Variants in VIT observed in about 807,000 individuals in gnomAD.
The protein encoded by VIT is vitrin.
In VIT, 99 loss-of-function variants were observed where a neutral mutation model predicts 78.0. The ratio of observed to expected loss-of-function variants is 1.27; its 90% CI spans 1.08 to 1.50. The LOEUF is 1.50. VIT is among the 40% of genes most tolerant of loss of function. VIT has a pLI of 0.00. For synonymous variants in VIT, 374 were observed against 334.3 expected, an observed-to-expected ratio of 1.12 and a Z score of -1.29; for missense variants, 1,126 against 875.3, an observed-to-expected ratio of 1.29 and a Z score of -3.61.
At position 36,808,793 on chromosome 2, in the gene VIT, C is replaced by A. The variant is rs761574635; in HGVS notation, c.1711C>A (p.Pro571Thr). 1 of 1,614,106 alleles carries A rather than the reference C, an allele frequency of 6.2e-7. No homozygotes were observed. Among genetic ancestry groups the A allele is most frequent in the Non-Finnish European group, 8.5e-7 (1 of 1,179,942 alleles). ...TGGGTTCGACAAGTACAGCAGCAAG[C>A]CTGACATCCTCAACGCCATCAAGAG... is the stretch of plus-strand genomic sequence containing the variant. ...EFGFDKYSSK[P>T]DILNAIKRVG... Residue 571 changes from proline to threonine, a missense_variant, in exon 15 of 16, where the codon CCT becomes ACT. Transcript: ENST00000379242.
chr2:36,795,136 T>G (rs1479518147), intron 12 of VIT, among the ~76,000 whole-genome samples: 1 of 152,188 alleles, frequency 6.6e-6, no homozygotes, highest in African/African-American at 2.4e-5. Context: ...TGTTCTCAAG[T>G]AGGTTACAGT....
At chr2:36,720,677 TG>T (rs1487793452) in intron 2 of VIT, among the ~76,000 whole-genome samples, 1 of 152,174 alleles carries the variant, frequency 6.6e-6, no homozygotes, top group East Asian at 1.9e-4. Context: ...TTCCAGGGGC[TG>T]GGGAGCCAGG....
At chr2:36,721,755 G>A (rs1177329425) in intron 2 of VIT, among the ~76,000 whole-genome samples, 3 of 152,086 alleles carry the variant, frequency 2.0e-5, no homozygotes, top group African/African-American at 7.2e-5. Context: ...CTTTGAACAT[G>A]CCTTCCTGGA....
chr2:36,772,289 C>A (rs982446494), intron 7 of VIT, among the ~76,000 whole-genome samples: 1 of 152,098 alleles, frequency 6.6e-6, no homozygotes, highest in South Asian at 2.1e-4. Flanking sequence ...GTAATCCCAA[C>A]ACTTCGGGAG....
intron 1 of VIT, among the ~76,000 whole-genome samples, chr2:36,707,485 T>G (rs889884610): frequency 1.3e-5 from 2 of 152,212 alleles, no homozygotes; most frequent in Non-Finnish European, 2.9e-5. Flanking sequence ...TAGTAACTAG[T>G]ACAATCACCT....
chr2:36,713,457 G>C (rs997590951), intron 1 of VIT, among the ~76,000 whole-genome samples: 1 of 152,180 alleles, frequency 6.6e-6, no homozygotes, highest in Non-Finnish European at 1.5e-5. Flanking sequence ...TAAAGACTTC[G>C]GCTTTTCTTC....
intron 13 of VIT, 128 bp from the exon 14 acceptor site, chr2:36,805,308 GAA>G (rs567911067): frequency 5.4e-3 from 3,131 of 581,964 alleles, no homozygotes; most frequent in South Asian, 6.2e-3. Context: ...TGTCTCAAAG[GAA>G]AAAAAAAAAA....
chr2:36,740,827 T>A (rs925870351), intron 3 of VIT, among the ~76,000 whole-genome samples: 1 of 152,250 alleles, frequency 6.6e-6, no homozygotes, highest in African/African-American at 2.4e-5. Flanking sequence ...TTTAAACCAA[T>A]TATTTCATGG....
At chr2:36,785,241 T>A (rs1440835793) in intron 11 of VIT, among the ~76,000 whole-genome samples, 1 of 152,248 alleles carries the variant, frequency 6.6e-6, no homozygotes, top group Non-Finnish European at 1.5e-5. Context: ...CCAACTTTAC[T>A]GTGCACAGGA....
intron 6 of VIT, among the ~76,000 whole-genome samples, chr2:36,765,437 GAGAGA>G (rs1669370867): frequency 2.7e-5 from 4 of 150,908 alleles, no homozygotes; most frequent in African/African-American, 9.8e-5. Context: ...GAGAGAGAAA[GAGAGA>G]GAGAGGAAAA....
intron 12 of VIT, among the ~76,000 whole-genome samples, chr2:36,794,948 T>C (rs1203453596): frequency 2.0e-5 from 3 of 152,312 alleles, no homozygotes; most frequent in Middle Eastern, 3.4e-3. Flanking sequence ...TAGGATGTAA[T>C]AGAAGCAAGG....
At position 36,801,279 on chromosome 2, in the gene VIT, A is replaced by T. The variant is rs571712079; in HGVS notation, c.1059-22A>T. The T allele has an allele frequency of 1.6e-4, 250 of 1,594,704 alleles. 1 individual carries two copies. Among genetic ancestry groups the T allele is most frequent in the Middle Eastern group, 5.0e-4 (3 of 6,054 alleles). On this transcript the variant is annotated intron_variant, in intron 12 of 15. Transcript: ENST00000379242. The stretch of plus-strand genomic sequence containing the variant: ...GGTATTAACTTTGCAGCTAATTTGT[A>T]TTTCTTGTTCTGACTCTTCAGAGAC...
At chr2:36,786,750 A>G (rs1665123092) in intron 11 of VIT, among the ~76,000 whole-genome samples, 1 of 152,264 alleles carries the variant, frequency 6.6e-6, no homozygotes, top group Non-Finnish European at 1.5e-5. Flanking sequence ...GATGAGAGCA[A>G]AAAGCCACAC....
rs549384454 is a variant in VIT, at chr2:36,702,356, C to T, written c.-19+5383C>T. On this transcript the variant is annotated intron_variant, in intron 1 of 15. Coordinates refer to ENST00000379242, the MANE Select transcript of VIT (RefSeq NM_053276.4). ...TACCGCTCACTCACACACTAGGGGG[C>T]AGTTCTTGCCTCTGCTCTGGATGAA... is the stretch of plus-strand genomic sequence containing the variant. Among the ~76,000 whole-genome samples, 10 of 152,086 alleles carry T rather than the reference C, an allele frequency of 6.6e-5. No homozygotes were observed. In the East Asian group the frequency reaches 1.7e-3, roughly 27 times the overall value.
intron 13 of VIT, among the ~76,000 whole-genome samples, chr2:36,801,635 C>G (rs1201744058): frequency 6.6e-6 from 1 of 152,138 alleles, no homozygotes; most frequent in Non-Finnish European, 1.5e-5. Context: ...TGGTTAAACC[C>G]TCTTTCTACT....
At chr2:36,731,686 A>T (rs13423458) in intron 3 of VIT, among the ~76,000 whole-genome samples, 25,936 of 152,180 alleles carry the variant, frequency 0.17, 2,345 homozygotes, top group East Asian at 0.31. Context: ...CACAGATGGA[A>T]AACTCACACT....
chr2:36,776,786 C>T (rs1481585619), intron 9 of VIT, among the ~76,000 whole-genome samples: 3 of 151,642 alleles, frequency 2.0e-5, no homozygotes, highest in African/African-American at 7.3e-5. Flanking sequence ...CAGAGTGAGA[C>T]TCCATCTCAA....
At chr2:36,800,116 G>A (rs979733736) in intron 12 of VIT, among the ~76,000 whole-genome samples, 16 of 151,996 alleles carry the variant, frequency 1.1e-4, no homozygotes, top group Non-Finnish European at 2.2e-4. Context: ...GGAGGCCAAG[G>A]CAGGTGGATC....
At chr2:36,757,905 C>T (rs1668865659) in intron 5 of VIT, among the ~76,000 whole-genome samples, 1 of 152,144 alleles carries the variant, frequency 6.6e-6, no homozygotes, top group Non-Finnish European at 1.5e-5. Context: ...TGTCTTACTC[C>T]TAATCCTAGG....
Sources: allele counts gnomAD v4.1 joint callset (sites outside exome capture counted in the v4.1 genomes callset), GRCh38; gene constraint gnomAD v4.1.1; transcripts MANE v1.5; gene names NCBI Gene and HGNC (gene_info 2026-07-23, HGNC 2026-07-21).